The following PTCHD4 variants were observed in gnomAD, a reference collection of about 807,000 sequenced individuals.
PTCHD4 encodes the protein patched domain-containing protein 4.
A neutral mutation model predicts 58.1 loss-of-function variants in PTCHD4; 33 were observed. That is an observed-to-expected ratio of 0.57 (90% CI 0.43 to 0.76). PTCHD4 has a LOEUF of 0.76. Ranked by LOEUF, PTCHD4 falls within the 30% of genes least tolerant of loss-of-function variation. The pLI is 0.00. For synonymous variants in PTCHD4, 478 were observed against 409.6 expected, an observed-to-expected ratio of 1.17 and a Z score of -2.02; for missense variants, 1,058 against 1,027.1, an observed-to-expected ratio of 1.03 and a Z score of -0.41.
At chr6:47,892,034 G>T (rs1329875299) in intron 4 of PTCHD4, among the ~76,000 whole-genome samples, 1 of 152,126 alleles carries the variant, frequency 6.6e-6, no homozygotes, top group Admixed American at 6.5e-5. Context: ...TATGTTAGTT[G>T]TGTTATCACT....
At chr6:48,107,453 G>C (rs553184790) in intron 1 of PTCHD4, among the ~76,000 whole-genome samples, 6 of 152,122 alleles carry the variant, frequency 3.9e-5, no homozygotes, top group African/African-American at 1.4e-4. Flanking sequence ...ATTAATTCAA[G>C]ATGTATTAAA....
chr6:47,938,603 G>A (rs952024407), intron 4 of PTCHD4, among the ~76,000 whole-genome samples: 1 of 152,146 alleles, frequency 6.6e-6, no homozygotes, highest in Non-Finnish European at 1.5e-5. Context: ...GAATGGACTG[G>A]GGATGCATAA....
intron 4 of PTCHD4, among the ~76,000 whole-genome samples, chr6:47,911,799 T>C (rs1322831664): frequency 6.6e-6 from 1 of 152,060 alleles, no homozygotes; most frequent in Non-Finnish European, 1.5e-5. Flanking sequence ...GAGCTAGAGA[T>C]GAATTCTGGG....
At chr6:48,110,777 TTA>T (rs889114045) in intron 1 of PTCHD4, among the ~76,000 whole-genome samples, 24 of 140,892 alleles carry the variant, frequency 1.7e-4, no homozygotes, top group African/African-American at 5.5e-4. Context: ...CTTTTCTATT[TTA>T]TATATATATA....
chr6:47,967,044 C>T (rs545435797), intron 4 of PTCHD4, among the ~76,000 whole-genome samples: 3 of 152,268 alleles, frequency 2.0e-5, no homozygotes, highest in Admixed American at 1.3e-4. Context: ...AGAAGGTTTT[C>T]AATTTACTTT....
chr6:47,978,273 A>G (rs1181225325), intron 4 of PTCHD4, among the ~76,000 whole-genome samples: 1 of 152,054 alleles, frequency 6.6e-6, no homozygotes, highest in Non-Finnish European at 1.5e-5. Context: ...GTCCAACACT[A>G]CTACTATTAC....
At chr6:48,045,937 T>C (rs1181957540) in intron 3 of PTCHD4, among the ~76,000 whole-genome samples, 1 of 151,750 alleles carries the variant, frequency 6.6e-6, no homozygotes, top group Non-Finnish European at 1.5e-5. Context: ...TTTAACAAGG[T>C]GTTTAAAATC....
At chr6:47,937,061 G>A (rs1453820424) in intron 4 of PTCHD4, among the ~76,000 whole-genome samples, 2 of 152,200 alleles carry the variant, frequency 1.3e-5, no homozygotes, top group East Asian at 1.9e-4. Context: ...AGAAGGAATC[G>A]TAAGAAAGGT....
chr6:48,019,151 G>A lies in PTCHD4; in HGVS notation c.418-10037C>T, dbSNP rs113040828. Among the ~76,000 whole-genome samples, 358 of 152,308 alleles carry A rather than the reference G, an allele frequency of 2.4e-3. 1 individual carries two copies. Among genetic ancestry groups the A allele is most frequent in the African/African-American group, 8.4e-3 (349 of 41,558 alleles). On this transcript the variant is annotated intron_variant, in intron 3 of 4. Coordinates refer to ENST00000339488, the MANE Select transcript of PTCHD4 (RefSeq NM_001384253.1). Reference sequence around the variant, plus strand: ...CCTTCGGCATTCTAGGTACCTTCATGGGGTGCCAGTGTGGTGAATATGTGG... The same window carrying A: ...CCTTCGGCATTCTAGGTACCTTCATAGGGTGCCAGTGTGGTGAATATGTGG...
intron 4 of PTCHD4, among the ~76,000 whole-genome samples, chr6:48,004,840 C>T (rs1455576811): frequency 6.6e-6 from 1 of 152,130 alleles, no homozygotes; most frequent in Non-Finnish European, 1.5e-5. Context: ...TCACTTGAAC[C>T]CGGAAGGTGG....
chr6:48,002,128 T>C (rs1768749052), intron 4 of PTCHD4, among the ~76,000 whole-genome samples: 1 of 152,140 alleles, frequency 6.6e-6, no homozygotes, highest in South Asian at 2.1e-4. Context: ...CTGGAGAGGA[T>C]GTGGAGAAAT....
chr6:47,889,122 G>A (rs112943481), intron 4 of PTCHD4, among the ~76,000 whole-genome samples: 7,407 of 33,518 alleles, frequency 0.22, 645 homozygotes, highest in East Asian at 0.46. Flanking sequence ...AAACATACGT[G>A]TGCATGTGTC....
chr6:48,092,679 C>T (rs1765390866), intron 1 of PTCHD4, among the ~76,000 whole-genome samples: 1 of 152,054 alleles, frequency 6.6e-6, no homozygotes, highest in Non-Finnish European at 1.5e-5. Context: ...AACAGGTTTG[C>T]TGTGATAGGG....
At chr6:47,893,021 A>AT (rs1473560271) in intron 4 of PTCHD4, among the ~76,000 whole-genome samples, 1 of 151,558 alleles carries the variant, frequency 6.6e-6, no homozygotes, top group African/African-American at 2.4e-5. Context: ...AGATCTTTTT[A>AT]TTTTTTTTGA....
At chr6:47,918,900 C>T (rs1481387731) in intron 4 of PTCHD4, among the ~76,000 whole-genome samples, 1 of 152,070 alleles carries the variant, frequency 6.6e-6, no homozygotes, top group East Asian at 1.9e-4. Flanking sequence ...ACTTCTGAGT[C>T]CTGGATAAAG....
In PTCHD4 at chr6:47,942,543, C is replaced by T. The variant is rs895263105; in HGVS notation, c.899-62607G>A. Among the ~76,000 whole-genome samples the T allele has an allele frequency of 5.3e-5, 8 of 152,192 alleles. No individual in the cohort carries two copies. In the South Asian group the frequency reaches 1.2e-3, roughly 24 times the overall value. On this transcript the variant is annotated intron_variant, in intron 4 of 4. Transcript: ENST00000339488. The stretch of plus-strand genomic sequence containing the variant: ...CACAGCTGGTGAAGGTTGCCAAGGT[C>T]GCCCTGTTAGGCACAGACAGCTGAA...
chr6:47,954,597 T>A (rs1228777403), intron 4 of PTCHD4, among the ~76,000 whole-genome samples: 2 of 152,218 alleles, frequency 1.3e-5, no homozygotes, highest in Admixed American at 1.3e-4. Flanking sequence ...TTAGAGGCAT[T>A]CTTTAAGTGT....
chr6:48,081,240 T>C (rs1765161796), intron 1 of PTCHD4, among the ~76,000 whole-genome samples: 1 of 152,206 alleles, frequency 6.6e-6, no homozygotes, highest in Non-Finnish European at 1.5e-5. Flanking sequence ...AGATTAAATG[T>C]GGATGTGTAC....
At chr6:47,985,663 T>C (rs1381144501) in intron 4 of PTCHD4, among the ~76,000 whole-genome samples, 3 of 152,182 alleles carry the variant, frequency 2.0e-5, no homozygotes, top group Admixed American at 2.0e-4. Context: ...ATTCAGATAA[T>C]TTTTTATTGC....
Sources: allele counts gnomAD v4.1 joint callset (sites outside exome capture counted in the v4.1 genomes callset), GRCh38; gene constraint gnomAD v4.1.1; transcripts MANE v1.5; gene names NCBI Gene and HGNC (gene_info 2026-07-23, HGNC 2026-07-21).